PCDHGB3: variants seen among roughly 807,000 people sequenced by gnomAD.
The protein encoded by PCDHGB3 is protocadherin gamma-B3.
PCDHGB3 carries 40 observed loss-of-function variants against 59.2 expected under a neutral mutation model. The ratio of observed to expected loss-of-function variants is 0.68; its 90% CI spans 0.52 to 0.88. The LOEUF is 0.88. Ranked by LOEUF, PCDHGB3 falls within the 40% of genes least tolerant of loss-of-function variation. PCDHGB3 has a pLI of 0.00. For synonymous variants in PCDHGB3, 581 were observed against 503.6 expected, an observed-to-expected ratio of 1.15 and a Z score of -2.06; for missense variants, 1,309 against 1,187.9, an observed-to-expected ratio of 1.10 and a Z score of -1.50.
chr5:141,415,040 C>A (rs772941952), intron 1 of PCDHGB3: 3 of 1,613,520 alleles, frequency 1.9e-6, no homozygotes, highest in Non-Finnish European at 2.5e-6. Flanking sequence ...GGACTCTTCG[C>A]GGTGGGGGAG....
intron 1 of PCDHGB3, chr5:141,419,357 AC>A (rs1185938270): frequency 3.7e-6 from 6 of 1,613,814 alleles, no homozygotes; most frequent in Non-Finnish European, 4.2e-6. Context: ...GGAGTCACGA[AC>A]GCTGTCGTCC....
At chr5:141,430,586 C>G in intron 1 of PCDHGB3, 1 of 517,248 alleles carries the variant, frequency 1.9e-6, no homozygotes, top group Non-Finnish European at 3.1e-6. Context: ...TCCTGCTCGC[C>G]TTGCACGCGC....
chr5:141,389,341 C>G, intron 1 of PCDHGB3: 1 of 1,614,016 alleles, frequency 6.2e-7, no homozygotes, highest in East Asian at 2.2e-5. Context: ...GGCCAAGTCT[C>G]TTACTGCATC....
intron 1 of PCDHGB3, chr5:141,375,437 T>G (rs763678633): frequency 3.1e-6 from 5 of 1,613,964 alleles, no homozygotes; most frequent in Non-Finnish European, 4.2e-6. Flanking sequence ...CCCGCCCACC[T>G]TCCCCCATTC....
rs1326296096 is a variant in PCDHGB3, at chr5:141,505,460, A to G, written c.2542A>G (p.Met848Val). The change falls in exon 3 of 4, where the codon ATG becomes GTG. Residue 848 changes from methionine to valine, a missense_variant. Transcript: ENST00000576222. Reference protein sequence around the residue: ...NQFDTEMLQAMILASASEAAD... With the variant: ...NQFDTEMLQAVILASASEAAD... ...GTTTGACACAGAGATGCTGCAAGCC[A>G]TGATCTTGGCGTCCGCCAGTGGTAA... 2 of 1,614,070 alleles carry G rather than the reference A, an allele frequency of 1.2e-6. No homozygotes were observed. The highest frequency in any genetic ancestry group is 1.3e-5 in the African/African-American group (1 of 74,942).
intron 1 of PCDHGB3, among the ~76,000 whole-genome samples, chr5:141,473,858 C>T (rs569473917): frequency 6.6e-6 from 1 of 152,168 alleles, no homozygotes; most frequent in Non-Finnish European, 1.5e-5. Flanking sequence ...ATGAACCTCG[C>T]TATTGTGGAG....
Position 141,404,625 on chromosome 5 carries a change from A to G in PCDHGB3, c.2415+31816A>G, listed in dbSNP as rs375300806. The G allele has an allele frequency of 9.0e-5, 146 of 1,614,036 alleles. No homozygotes were observed. The highest frequency in any genetic ancestry group is 5.1e-4 in the South Asian group (46 of 91,078). On this transcript the variant is annotated intron_variant, in intron 1 of 3. Transcript: ENST00000576222. ...CTGTTTGTTTTGGACCAGAATGACA[A>G]TGCCCCAGAAATCCTGTACCCTGCC...
At chr5:141,387,920 G>A in intron 1 of PCDHGB3, 12 of 1,481,924 alleles carry the variant, frequency 8.1e-6, no homozygotes, top group Non-Finnish European at 1.1e-5. Context: ...GCCGGGCTGA[G>A]AGGCTGCCAG....
At chr5:141,482,606 T>G (rs2099569173) in intron 1 of PCDHGB3, among the ~76,000 whole-genome samples, 1 of 146,712 alleles carries the variant, frequency 6.8e-6, no homozygotes, top group African/African-American at 2.6e-5. Context: ...AAAAAACACC[T>G]AAATGAGCCT....
chr5:141,461,213 T>C (rs1457474925), intron 1 of PCDHGB3, among the ~76,000 whole-genome samples: 1 of 152,168 alleles, frequency 6.6e-6, no homozygotes, highest in African/African-American at 2.4e-5. Flanking sequence ...AGAATCTCCA[T>C]ACTGTTTTCC....
chr5:141,419,894 C>G, intron 1 of PCDHGB3: 1 of 1,613,926 alleles, frequency 6.2e-7, no homozygotes, highest in Non-Finnish European at 8.5e-7. Flanking sequence ...CAGCGACCAT[C>G]CCACACCCTC....
intron 1 of PCDHGB3, chr5:141,418,046 G>A (rs757311166): frequency 1.9e-6 from 3 of 1,613,888 alleles, no homozygotes; most frequent in Admixed American, 3.3e-5. Flanking sequence ...GGATGTGTCG[G>A]CTCGCGAGCT....
intron 1 of PCDHGB3, chr5:141,393,317 G>C (rs927337267): frequency 6.2e-7 from 1 of 1,612,904 alleles, no homozygotes; most frequent in South Asian, 1.1e-5. Flanking sequence ...ACTCCCTCCA[G>C]AGCTACCAGC....
chr5:141,382,462 T>C (rs1481999551), intron 1 of PCDHGB3, among the ~76,000 whole-genome samples: 24 of 152,240 alleles, frequency 1.6e-4, no homozygotes, highest in Admixed American at 1.6e-3. Flanking sequence ...AGCAGTTTTT[T>C]AAAAATTATC....
chr5:141,494,943 G>A, intron 2 of PCDHGB3, 78 bp downstream of exon 2: 2 of 1,610,326 alleles, frequency 1.2e-6, no homozygotes, highest in Non-Finnish European at 1.7e-6. Flanking sequence ...ATGGGGGAGG[G>A]CCCAGCATTT....
At chr5:141,506,934 G>A (rs187503673) in intron 3 of PCDHGB3, among the ~76,000 whole-genome samples, 54 of 152,232 alleles carry the variant, frequency 3.5e-4, no homozygotes, top group African/African-American at 1.3e-3. Flanking sequence ...AAACTTTAGG[G>A]GCCTCCTGTC....
chr5:141,389,378 G>A (rs574837458), intron 1 of PCDHGB3: 4 of 1,613,766 alleles, frequency 2.5e-6, no homozygotes, highest in African/African-American at 2.7e-5. Flanking sequence ...AGCAGCGGGA[G>A]CTGTCATCCT....
At chr5:141,393,718 C>A in intron 1 of PCDHGB3, 2 of 1,613,644 alleles carry the variant, frequency 1.2e-6, no homozygotes, top group Non-Finnish European at 1.7e-6. Flanking sequence ...GGGGAAATAT[C>A]AATAGCAAAA....
At chr5:141,499,271 T>C (rs2099790752) in intron 2 of PCDHGB3, among the ~76,000 whole-genome samples, 1 of 152,180 alleles carries the variant, frequency 6.6e-6, no homozygotes, top group South Asian at 2.1e-4. Context: ...GTCCCTAGAC[T>C]GTTCTCTGAT....
Sources: gnomAD v4.1 joint callset for allele counts (sites outside exome capture counted in the v4.1 genomes callset) on GRCh38, gnomAD v4.1.1 for gene constraint, MANE v1.5 for transcripts, NCBI Gene and HGNC (gene_info 2026-07-23, HGNC 2026-07-21) for gene names.